The following POGLUT2 variants were observed in gnomAD, a reference collection of about 807,000 sequenced individuals.
POGLUT2 encodes the protein protein O-glucosyltransferase 2.
Under a neutral mutation model 57.6 loss-of-function variants are expected in POGLUT2, and 47 were observed. The observed-to-expected ratio is 0.82, with a 90% CI of 0.65 to 1.04. The LOEUF (loss-of-function observed/expected upper bound fraction) is 1.04. Ranked by LOEUF, POGLUT2 falls within the 50% of genes least tolerant of loss-of-function variation. The pLI, the probability that POGLUT2 is intolerant of heterozygous loss-of-function variation, is 0.00. For missense variants in POGLUT2, 565 were observed against 614.8 expected, an observed-to-expected ratio of 0.92 and a Z score of 0.86; for synonymous variants, 200 against 218.8, an observed-to-expected ratio of 0.91 and a Z score of 0.76.
intron 7 of POGLUT2, among the ~76,000 whole-genome samples, chr13:102,788,645 C>A (rs1236299227): frequency 2.2e-4 from 33 of 152,170 alleles, no homozygotes; most frequent in Admixed American, 2.2e-3. Flanking sequence ...CATCACCACG[C>A]CAGCTTATTT....
In POGLUT2 at chr13:102,793,437, T is replaced by C; in HGVS notation, c.595-19A>G. The C allele has an allele frequency of 6.6e-7, 1 of 1,506,138 alleles. No individual in the cohort carries two copies. The highest frequency in any genetic ancestry group is 9.2e-7 in the Non-Finnish European group (1 of 1,085,980). The allele number at this position is 1,506,138 out of a possible 1,614,324, so 93.3% of individuals were successfully genotyped here. On this transcript the variant is annotated intron_variant, in intron 3 of 9. Transcript: ENST00000376004. ...TATAAACCTAAAAGAGAATTTACCATTTATTATGTTAGTCTAAAGACGCTG... is the reference window on the plus strand; with the variant it reads ...TATAAACCTAAAAGAGAATTTACCACTTATTATGTTAGTCTAAAGACGCTG...
At chr13:102,789,953 A>G (rs928012792) in intron 6 of POGLUT2, among the ~76,000 whole-genome samples, 11 of 152,222 alleles carry the variant, frequency 7.2e-5, no homozygotes. Flanking sequence ...CAAGCTCTGG[A>G]GCAAGAACAC....
At chr13:102,784,661 C>T (rs1051295603) in intron 9 of POGLUT2, 149 bp from the exon 10 acceptor site, 5 of 600,590 alleles carry the variant, frequency 8.3e-6, no homozygotes, top group South Asian at 4.3e-5. Context: ...TTCCAGAGGC[C>T]CAGAGTCAGC....
At chr13:102,790,436 C>A (rs978684947) in intron 6 of POGLUT2, among the ~76,000 whole-genome samples, 10 of 152,184 alleles carry the variant, frequency 6.6e-5, no homozygotes, top group Admixed American at 2.0e-4. Context: ...AATCCACATT[C>A]TAGACAGAGA....
intron 9 of POGLUT2, among the ~76,000 whole-genome samples, chr13:102,785,765 T>C (rs1218331798): frequency 6.6e-6 from 1 of 152,212 alleles, no homozygotes; most frequent in African/African-American, 2.4e-5. Flanking sequence ...CTTTCATTTT[T>C]ATCAATGAGA....
intron 6 of POGLUT2, 52 bp from the exon 7 acceptor site, chr13:102,789,273 A>T (rs184689732): frequency 3.5e-5 from 51 of 1,444,220 alleles, no homozygotes; most frequent in Non-Finnish European, 4.7e-5. Flanking sequence ...CCTTTTCTCC[A>T]CTCTATTCTC....
intron 2 of POGLUT2, 22 bp from the exon 3 acceptor site, chr13:102,793,828 A>C: frequency 1.3e-6 from 2 of 1,585,708 alleles, no homozygotes; most frequent in Non-Finnish European, 1.7e-6. Flanking sequence ...AGAATAACAA[A>C]GTACAACAGT....
intron 9 of POGLUT2, 81 bp downstream of exon 9, chr13:102,786,151 G>C (rs572117994): frequency 3.5e-5 from 30 of 859,468 alleles, no homozygotes; most frequent in Non-Finnish European, 5.3e-5. Flanking sequence ...CTGCCTGATT[G>C]AATGACTATA....
Position 102,786,312 on chromosome 13 carries a change from G to C in POGLUT2, c.1411C>G (p.Pro471Ala). ...QEYANLQVSE[P>A]QIREGMKRVE... ...CTTTTCATGCCCTCTCGGATTTGGG[G>C]CTCACTCACTTGTAAATTGGCATAT... Residue 471 changes from proline (P) to alanine (A), a missense_variant, in exon 9 of 10, where the codon CCC (proline) becomes GCC (alanine). Coordinates refer to ENST00000376004, the MANE Select transcript of POGLUT2 (RefSeq NM_024089.3). The C allele has an allele frequency of 1.2e-6, 2 of 1,613,476 alleles. No individual in the cohort carries two copies. The highest frequency in any genetic ancestry group is 1.7e-6 in the Non-Finnish European group (2 of 1,179,424).
intron 2 of POGLUT2, among the ~76,000 whole-genome samples, chr13:102,794,523 G>A (rs1359354056): frequency 6.6e-6 from 1 of 152,090 alleles, no homozygotes; most frequent in Non-Finnish European, 1.5e-5. Flanking sequence ...AGTTTAGCTG[G>A]GTATGGTGGT....
chr13:102,788,052 C>T, intron 7 of POGLUT2, 129 bp from the exon 8 acceptor site: 2 of 529,498 alleles, frequency 3.8e-6, no homozygotes, highest in Non-Finnish European at 6.8e-6. Context: ...GGGGTAGTCT[C>T]ATGGTAAAAC....
chr13:102,796,293 C>CAAAAAA (rs151064207), intron 2 of POGLUT2, among the ~76,000 whole-genome samples: 18 of 100,724 alleles, frequency 1.8e-4, no homozygotes, highest in African/African-American at 5.9e-4. Flanking sequence ...GACTCTGCCT[C>CAAAAAA]AAAAAAAAAA....
chr13:102,798,648 T>C lies in POGLUT2; in HGVS notation c.23A>G (p.Tyr8Cys). Residue 8 changes from tyrosine to cysteine, a missense_variant, in exon 1 of 10, where the codon TAT becomes TGT. Coordinates refer to ENST00000376004, the MANE Select transcript of POGLUT2 (RefSeq NM_024089.3). The stretch of plus-strand genomic sequence containing the variant: ...TGGAACTGTCGCCAGAAAGAAGCAA[T>C]AAAGTAGCAAAGTGCCAAACATTTA... MFGTLLL[Y>C]CFFLATVPAL... 1 of 1,604,114 alleles carries C rather than the reference T, an allele frequency of 6.2e-7. No individual in the cohort carries two copies. The highest frequency in any genetic ancestry group is 8.5e-7 in the Non-Finnish European group (1 of 1,175,684).
chr13:102,786,166 TA>T, intron 9 of POGLUT2, 65 bp downstream of exon 9: 1 of 1,057,594 alleles, frequency 9.5e-7, no homozygotes, highest in Non-Finnish European at 1.5e-6. Context: ...ACTATAGGAA[TA>T]AAAGCAAGTT....
In POGLUT2 at chr13:102,789,226, A is replaced by G; in HGVS notation, c.1084-5T>C. 6.2e-7 allele frequency: 1 copy of G among 1,611,042 alleles called. No homozygotes were observed. The highest frequency in any genetic ancestry group is 8.5e-7 in the Non-Finnish European group (1 of 1,177,204). On this transcript the variant is annotated splice_region_variant and splice_polypyrimidine_tract_variant and intron_variant, in intron 6 of 9. Coordinates refer to ENST00000376004, the MANE Select transcript of POGLUT2 (RefSeq NM_024089.3). The stretch of plus-strand genomic sequence containing the variant: ...GATATTTATTTGATACTTATGCTGC[A>G]AAACAATGGTAAAGTCTAAGAACCT...
Position 102,791,100 on chromosome 13 carries a change from C to A in POGLUT2, c.884G>T (p.Gly295Val). 6.2e-7 allele frequency: 1 copy of A among 1,614,148 alleles called. No homozygotes were observed. The highest frequency in any genetic ancestry group is 1.1e-5 in the South Asian group (1 of 91,088). ...LDMMSVQANTGPPWESKNSTA... is the reference protein window; with the variant it reads ...LDMMSVQANTVPPWESKNSTA... ...GGAATTTTTGCTTTCCCAGGGAGGA[C>A]CCGTGTTAGCTTGCACGGACATCAT... Residue 295 changes from glycine to valine, a missense_variant, in exon 6 of 10, where the codon GGT becomes GTT. Coordinates refer to ENST00000376004, the MANE Select transcript of POGLUT2 (RefSeq NM_024089.3).
chr13:102,798,432 G>A (rs1224695607), intron 1 of POGLUT2, 57 bp downstream of exon 1: 2 of 1,459,082 alleles, frequency 1.4e-6, no homozygotes, highest in Non-Finnish European at 1.8e-6. Flanking sequence ...AAATCTTAAA[G>A]GGAGAAACAG....
At chr13:102,793,530 A>T in intron 3 of POGLUT2, 71 bp downstream of exon 3, 2 of 1,420,450 alleles carry the variant, frequency 1.4e-6, no homozygotes, top group Non-Finnish European at 2.0e-6. Context: ...TGATTTAGCT[A>T]ATTGTAGCCA....
At chr13:102,787,095 G>C (rs2139081619) in intron 8 of POGLUT2, among the ~76,000 whole-genome samples, 1 of 151,878 alleles carries the variant, frequency 6.6e-6, no homozygotes, top group Non-Finnish European at 1.5e-5. Context: ...CACCCAGGCT[G>C]GAGTGCAGGG....
Sources: allele counts gnomAD v4.1 joint callset (sites outside exome capture counted in the v4.1 genomes callset), GRCh38; gene constraint gnomAD v4.1.1; transcripts MANE v1.5; gene names NCBI Gene and HGNC (gene_info 2026-07-23, HGNC 2026-07-21).